The following IL1RAPL2 variants were observed in gnomAD, a reference collection of about 807,000 sequenced individuals.
IL1RAPL2 encodes X-linked interleukin-1 receptor accessory protein-like 2.
Under a neutral mutation model 44.1 loss-of-function variants are expected in IL1RAPL2, and 3 were observed. The ratio of observed to expected loss-of-function variants is 0.07; its 90% CI spans 0.03 to 0.18. The LOEUF (loss-of-function observed/expected upper bound fraction) is 0.18, where lower values mean the gene tolerates loss of function less well. Ranked by LOEUF, IL1RAPL2 falls within the 10% of genes least tolerant of loss-of-function variation. The pLI, the probability that IL1RAPL2 is intolerant of heterozygous loss-of-function variation, is 1.00. For synonymous variants in IL1RAPL2, 181 were observed against 178.8 expected, an observed-to-expected ratio of 1.01 and a Z score of -0.10; for missense variants, 391 against 496.4, an observed-to-expected ratio of 0.79 and a Z score of 2.02.
intron 6 of IL1RAPL2, among the ~76,000 whole-genome samples, chrX:105,520,357 T>C (rs780251345): frequency 8.9e-6 from 1 of 112,508 alleles, no homozygotes; most frequent in East Asian, 2.8e-4. Context: ...TTTTCTGCTA[T>C]GTTTTAAAAT....
intron 5 of IL1RAPL2, among the ~76,000 whole-genome samples, chrX:105,351,592 G>A (rs955321304): frequency 9.1e-5 from 10 of 110,112 alleles, no homozygotes; most frequent in African/African-American, 3.3e-4. Context: ...AGAACACATG[G>A]ACACAGGGAG....
chrX:104,794,950 G>C (rs1242095808), intron 2 of IL1RAPL2, among the ~76,000 whole-genome samples: 2 of 111,601 alleles, frequency 1.8e-5, no homozygotes, highest in Non-Finnish European at 3.8e-5. Context: ...TAATTATTAG[G>C]CTTTGCTGTG....
At chrX:105,081,002 G>A (rs1434340399) in intron 2 of IL1RAPL2, among the ~76,000 whole-genome samples, 3 of 111,089 alleles carry the variant, frequency 2.7e-5, no homozygotes, top group African/African-American at 9.8e-5. Flanking sequence ...GTTAACTCAT[G>A]GTTTGGCTCT....
chrX:105,517,373 C>G (rs1283812349), intron 6 of IL1RAPL2, among the ~76,000 whole-genome samples: 8 of 111,685 alleles, frequency 7.2e-5, no homozygotes, highest in Non-Finnish European at 1.3e-4. Flanking sequence ...GCTAGTATCT[C>G]TAGTTCAAGT....
At chrX:105,342,692 G>T (rs760757073) in intron 5 of IL1RAPL2, among the ~76,000 whole-genome samples, 2 of 112,215 alleles carry the variant, frequency 1.8e-5, no homozygotes, top group African/African-American at 3.2e-5. Flanking sequence ...AAAACAGACA[G>T]GATGTAAATT....
intron 6 of IL1RAPL2, among the ~76,000 whole-genome samples, chrX:105,660,282 T>C (rs1190613806): frequency 9.0e-6 from 1 of 111,156 alleles, no homozygotes; most frequent in African/African-American, 3.3e-5. Context: ...CCAGTGCAAA[T>C]GTCCTTCAAA....
At chrX:105,346,909 G>A (rs1456957897) in intron 5 of IL1RAPL2, among the ~76,000 whole-genome samples, 4 of 111,897 alleles carry the variant, frequency 3.6e-5, no homozygotes, top group African/African-American at 1.3e-4. Context: ...ATTTTAAACA[G>A]CCTTCTTCAC....
At position 104,916,691 on chromosome X, in the gene IL1RAPL2, T is replaced by G. The variant is rs186018736; in HGVS notation, c.82+257696T>G. On this transcript the variant is annotated intron_variant, in intron 2 of 10. Coordinates refer to ENST00000372582, the MANE Select transcript of IL1RAPL2 (RefSeq NM_017416.2). ...TCCAGTTTTTGCCCATTCAGTATGA[T>G]ATTGGCTGTGGGTTTGTCACAGATA... Among the ~76,000 whole-genome samples the G allele has an allele frequency of 2.2e-3, 242 of 111,564 alleles. 2 individuals are homozygous for G. The highest frequency in any genetic ancestry group is 7.4e-3 in the African/African-American group (228 of 30,657).
At chrX:104,762,785 G>A (rs1186158134) in intron 2 of IL1RAPL2, among the ~76,000 whole-genome samples, 1 of 111,640 alleles carries the variant, frequency 9.0e-6, no homozygotes, top group South Asian at 3.9e-4. Context: ...CCTGAGCTCT[G>A]CATTGGCCCC....
chrX:105,359,539 T>A (rs189539881), intron 5 of IL1RAPL2, among the ~76,000 whole-genome samples: 1 of 111,128 alleles, frequency 9.0e-6, no homozygotes, highest in East Asian at 2.8e-4. Flanking sequence ...AAGTCACCCA[T>A]GAAAACAGTA....
intron 5 of IL1RAPL2, among the ~76,000 whole-genome samples, chrX:105,443,039 G>A (rs1038809093): frequency 9.0e-6 from 1 of 111,707 alleles, no homozygotes; most frequent in Non-Finnish European, 1.9e-5. Flanking sequence ...TTGCACCACT[G>A]CACTCCAGCC....
chrX:105,688,165 A>T (rs1184879963), intron 6 of IL1RAPL2, among the ~76,000 whole-genome samples: 2 of 111,920 alleles, frequency 1.8e-5, no homozygotes, highest in African/African-American at 6.5e-5. Context: ...CCGGCACAAG[A>T]CAAGGATGCC....
intron 2 of IL1RAPL2, among the ~76,000 whole-genome samples, chrX:104,680,934 C>T (rs1242162754): frequency 8.9e-6 from 1 of 112,379 alleles, no homozygotes; most frequent in East Asian, 2.8e-4. Context: ...CAATTTAACA[C>T]AACAACTGTA....
intron 4 of IL1RAPL2, among the ~76,000 whole-genome samples, chrX:105,241,159 T>C (rs1258305321): frequency 1.8e-5 from 2 of 111,628 alleles, no homozygotes; most frequent in Non-Finnish European, 3.8e-5. Context: ...TCAGGGGCCC[T>C]CTGTAGCATC....
chrX:105,659,285 CTG>C (rs1951550501), intron 6 of IL1RAPL2, among the ~76,000 whole-genome samples: 2 of 111,454 alleles, frequency 1.8e-5, no homozygotes, highest in South Asian at 7.5e-4. Flanking sequence ...TTCAAAATAA[CTG>C]TTTTTTGAAT....
chrX:105,390,126 C>T (rs58773132), intron 5 of IL1RAPL2, among the ~76,000 whole-genome samples: 23,463 of 111,032 alleles, frequency 0.21, 6,033 homozygotes, highest in African/African-American at 0.73. Flanking sequence ...CTGTTGTATC[C>T]CTTTAACAGT....
At chrX:105,385,592 A>G (rs2035470551) in intron 5 of IL1RAPL2, among the ~76,000 whole-genome samples, 1 of 111,583 alleles carries the variant, frequency 9.0e-6, no homozygotes, top group Non-Finnish European at 1.9e-5. Context: ...AAAAAAGGCT[A>G]TGAATGCAAT....
intron 4 of IL1RAPL2, among the ~76,000 whole-genome samples, chrX:105,234,249 A>G (rs1556198978): frequency 8.9e-6 from 1 of 112,194 alleles, no homozygotes; most frequent in African/African-American, 3.2e-5. Flanking sequence ...CTGACAGCAT[A>G]TAAGAACTAA....
At chrX:104,686,556 GGGA>G (rs1245112751) in intron 2 of IL1RAPL2, among the ~76,000 whole-genome samples, 1 of 111,986 alleles carries the variant, frequency 8.9e-6, no homozygotes, top group Non-Finnish European at 1.9e-5. Context: ...AGAGTTTCCT[GGGA>G]AGGGTAGAAT....
Sources: gnomAD v4.1 joint callset for allele counts (sites outside exome capture counted in the v4.1 genomes callset) on GRCh38, gnomAD v4.1.1 for gene constraint, MANE v1.5 for transcripts, NCBI Gene and HGNC (gene_info 2026-07-23, HGNC 2026-07-21) for gene names.